DCDC2: variants seen among roughly 807,000 people sequenced by gnomAD.
The protein encoded by DCDC2 is doublecortin domain-containing protein 2.
Under a neutral mutation model 50.2 loss-of-function variants are expected in DCDC2, and 40 were observed. That is an observed-to-expected ratio of 0.80 (90% CI 0.62 to 1.04). DCDC2 has a LOEUF of 1.04. Among genes scored for constraint, DCDC2 ranks in the 50% least tolerant of loss-of-function variants. DCDC2 has a pLI of 0.00. For missense variants in DCDC2, 570 were observed against 581.9 expected (o/e 0.98, Z 0.21); for synonymous variants, 234 against 210.6 (o/e 1.11, Z -0.96).
intron 2 of DCDC2, among the ~76,000 whole-genome samples, chr6:24,315,865 G>T (rs147942714): frequency 1.3e-5 from 2 of 152,292 alleles, no homozygotes; most frequent in African/African-American, 4.8e-5. Context: ...AAGAATGGAA[G>T]CAAGGAGACC....
intron 8 of DCDC2, among the ~76,000 whole-genome samples, chr6:24,188,783 T>C (rs1018761731): frequency 3.9e-5 from 6 of 152,104 alleles, no homozygotes; most frequent in Admixed American, 1.3e-4. Context: ...AAAAAGGGTA[T>C]TCATTATACT....
intron 7 of DCDC2, among the ~76,000 whole-genome samples, chr6:24,267,916 C>A (rs1763159007): frequency 6.6e-6 from 1 of 152,166 alleles, no homozygotes; most frequent in African/African-American, 2.4e-5. Context: ...TAATTTTCAT[C>A]AGAAATTCCC....
intron 7 of DCDC2, among the ~76,000 whole-genome samples, chr6:24,220,879 A>AGAGCGAGCGAGTGAGCGAGC (rs111880904): frequency 0.084 from 8,949 of 107,056 alleles, 582 homozygotes; most frequent in East Asian, 0.36. Context: ...CAAGAGAGCG[A>AGAGCGAGCGAGTGAGCGAGC]GAGCGAGAGA....
intron 7 of DCDC2, among the ~76,000 whole-genome samples, chr6:24,231,861 T>C (rs1280094130): frequency 2.0e-5 from 3 of 152,172 alleles, no homozygotes; most frequent in African/African-American, 7.2e-5. Context: ...AATAATTTTA[T>C]CTTCTCCTCT....
intron 7 of DCDC2, among the ~76,000 whole-genome samples, chr6:24,209,132 T>C (rs544033882): frequency 6.6e-6 from 1 of 152,270 alleles, no homozygotes; most frequent in South Asian, 2.1e-4. Flanking sequence ...AAAAAGCAAC[T>C]GAAGACACAT....
chr6:24,380,121 A>C, the DCDC2 span, among the ~76,000 whole-genome samples: 3 of 152,104 alleles, frequency 2.0e-5, no homozygotes, highest in African/African-American at 7.2e-5. Flanking sequence ...GCAAACCAAC[A>C]TGGCACATGT....
chr6:24,282,007 C>T (rs1394766043), intron 6 of DCDC2, among the ~76,000 whole-genome samples: 1 of 152,102 alleles, frequency 6.6e-6, no homozygotes, highest in Non-Finnish European at 1.5e-5. Flanking sequence ...CTAAAACAGC[C>T]ATCCCAGAAG....
At chr6:24,338,291 T>G (rs1760093966) in intron 2 of DCDC2, among the ~76,000 whole-genome samples, 1 of 152,168 alleles carries the variant, frequency 6.6e-6, no homozygotes, top group African/African-American at 2.4e-5. Context: ...TCTTCTAACA[T>G]TTAGGCTGGC....
chr6:24,273,068 C>CATGCAT (rs1274457352), intron 7 of DCDC2, among the ~76,000 whole-genome samples: 1 of 47,312 alleles, frequency 2.1e-5, no homozygotes, highest in Non-Finnish European at 5.4e-5. Flanking sequence ...TAGATATACA[C>CATGCAT]ATACATATAA....
chr6:24,226,991 C>A (rs1762245623), intron 7 of DCDC2, among the ~76,000 whole-genome samples: 1 of 152,038 alleles, frequency 6.6e-6, no homozygotes, highest in African/African-American at 2.4e-5. Flanking sequence ...TGTAGAGATA[C>A]CGAAGAGAAA....
chr6:24,282,033 T>G (rs976923022), intron 6 of DCDC2, among the ~76,000 whole-genome samples: 26 of 152,116 alleles, frequency 1.7e-4, no homozygotes, highest in African/African-American at 5.3e-4. Flanking sequence ...AATTATGGCT[T>G]TTTCTCAAAG....
At chr6:24,366,519 A>G in the DCDC2 span, among the ~76,000 whole-genome samples, 1 of 152,232 alleles carries the variant, frequency 6.6e-6, no homozygotes, top group Non-Finnish European at 1.5e-5. Flanking sequence ...GGTATCTTCC[A>G]TGGGTCTTCT....
intron 2 of DCDC2, among the ~76,000 whole-genome samples, chr6:24,350,208 G>A (rs936879312): frequency 1.3e-5 from 2 of 152,186 alleles, no homozygotes; most frequent in African/African-American, 4.8e-5. Flanking sequence ...CCAATGTCAA[G>A]GTGACACGCA....
chr6:24,267,297 G>GTA, intron 7 of DCDC2, among the ~76,000 whole-genome samples: 1 of 152,024 alleles, frequency 6.6e-6, no homozygotes, highest in Non-Finnish European at 1.5e-5. Flanking sequence ...AACTAAAAGG[G>GTA]TATAATTGGA....
intron 7 of DCDC2, among the ~76,000 whole-genome samples, chr6:24,217,651 T>C (rs1762011381): frequency 6.6e-6 from 1 of 152,188 alleles, no homozygotes; most frequent in Non-Finnish European, 1.5e-5. Flanking sequence ...AGTGAGGGTG[T>C]TTTCAATTTA....
intron 8 of DCDC2, among the ~76,000 whole-genome samples, chr6:24,198,751 T>G (rs1171324199): frequency 3.3e-5 from 5 of 152,128 alleles, no homozygotes; most frequent in African/African-American, 1.2e-4. Context: ...CAAGCTAAGA[T>G]CTACTGGCTT....
At chr6:24,335,223 T>C (rs970993840) in intron 2 of DCDC2, among the ~76,000 whole-genome samples, 1 of 152,124 alleles carries the variant, frequency 6.6e-6, no homozygotes, top group Non-Finnish European at 1.5e-5. Context: ...CTTTGAGTCT[T>C]CCTCAAAGTC....
intron 7 of DCDC2, among the ~76,000 whole-genome samples, chr6:24,234,354 G>A (rs1361805955): frequency 3.9e-5 from 6 of 152,188 alleles, no homozygotes; most frequent in African/African-American, 1.4e-4. Context: ...AAACTTGAGT[G>A]CAAAGTTGAA....
chr6:24,229,182 G>A (rs546518670), intron 7 of DCDC2, among the ~76,000 whole-genome samples: 2 of 152,240 alleles, frequency 1.3e-5, no homozygotes, highest in South Asian at 4.1e-4. Flanking sequence ...ATCTCACTGG[G>A]CTAAAATCAA....
Sources: gnomAD v4.1 joint callset for allele counts (sites outside exome capture counted in the v4.1 genomes callset) on GRCh38, gnomAD v4.1.1 for gene constraint, MANE v1.5 for transcripts, NCBI Gene and HGNC (gene_info 2026-07-23, HGNC 2026-07-21) for gene names.